The following FNBP1L variants were observed in gnomAD, a reference collection of about 807,000 sequenced individuals.
FNBP1L encodes the protein formin binding protein 1 like.
FNBP1L carries 36 observed loss-of-function variants against 91.2 expected under a neutral mutation model. That is an observed-to-expected ratio of 0.39 (90% CI 0.30 to 0.52). FNBP1L has a LOEUF of 0.52. Ranked by LOEUF, FNBP1L falls within the 20% of genes least tolerant of loss-of-function variation. FNBP1L has a pLI of 0.66. For missense variants in FNBP1L, 571 were observed against 732.1 expected (o/e 0.78, Z 2.54); for synonymous variants, 242 against 237.0 (o/e 1.02, Z -0.19).
At chr1:93,539,646 C>T (rs1015449129) in intron 10 of FNBP1L, among the ~76,000 whole-genome samples, 2 of 152,012 alleles carry the variant, frequency 1.3e-5, no homozygotes, top group African/African-American at 4.8e-5. Context: ...AATTCATATA[C>T]TTCAAATATT....
intron 1 of FNBP1L, among the ~76,000 whole-genome samples, chr1:93,463,622 C>T (rs987979493): frequency 6.6e-6 from 1 of 152,176 alleles, no homozygotes. Context: ...CAGTGATTTT[C>T]TCTGCCTGCC....
intron 1 of FNBP1L, among the ~76,000 whole-genome samples, chr1:93,473,508 A>T (rs547623856): frequency 6.6e-6 from 1 of 152,238 alleles, no homozygotes; most frequent in South Asian, 2.1e-4. Flanking sequence ...TTACCTAGAG[A>T]TTTATTAATC....
At position 93,468,024 on chromosome 1, in the gene FNBP1L, C is replaced by T. The variant is rs189828164; in HGVS notation, c.24+19719C>T. On this transcript the variant is annotated intron_variant, in intron 1 of 16. Coordinates refer to ENST00000271234, the MANE Select transcript of FNBP1L (RefSeq NM_001164473.3). ...GCTTGCCCTAGTCATCCCCTCTTCCCGTGTAACCACTGATCTTTTTACTGT... is the reference window on the plus strand; with the variant it reads ...GCTTGCCCTAGTCATCCCCTCTTCCTGTGTAACCACTGATCTTTTTACTGT... Among the ~76,000 whole-genome samples, 182 of 152,300 alleles carry T rather than the reference C, an allele frequency of 1.2e-3. 1 individual carries two copies. In the Middle Eastern group the frequency reaches 0.017, roughly 14 times the overall value.
intron 1 of FNBP1L, among the ~76,000 whole-genome samples, chr1:93,485,413 C>A (rs1669865398): frequency 6.6e-6 from 1 of 152,150 alleles, no homozygotes; most frequent in East Asian, 1.9e-4. Flanking sequence ...TTAATAAATA[C>A]ATTTATATAT....
At chr1:93,529,594 T>A (rs1225264220) in intron 5 of FNBP1L, 58 bp from the exon 6 acceptor site, 1 of 1,071,818 alleles carries the variant, frequency 9.3e-7, no homozygotes, top group Non-Finnish European at 1.3e-6. Context: ...AAGTTATTTC[T>A]TAAATGAAGT....
intron 2 of FNBP1L, among the ~76,000 whole-genome samples, chr1:93,520,416 T>C (rs1671283189): frequency 6.6e-6 from 1 of 152,140 alleles, no homozygotes; most frequent in African/African-American, 2.4e-5. Flanking sequence ...TAGTTTCCAA[T>C]CCATTGTGTA....
At chr1:93,533,216 T>C in intron 8 of FNBP1L, 148 bp downstream of exon 8, 4 of 554,552 alleles carry the variant, frequency 7.2e-6, no homozygotes, top group African/African-American at 1.9e-5. Context: ...ATAGATTCCT[T>C]TGAGTTCTGA....
At chr1:93,476,885 A>G (rs4847428) in intron 1 of FNBP1L, among the ~76,000 whole-genome samples, 72,403 of 152,068 alleles carry the variant, frequency 0.48, 20,660 homozygotes, top group East Asian at 0.62. Context: ...CACTTACCAT[A>G]TTAGTTCGTT....
chr1:93,513,895 A>C (rs1368078634), intron 2 of FNBP1L, among the ~76,000 whole-genome samples: 2 of 152,210 alleles, frequency 1.3e-5, no homozygotes, highest in African/African-American at 4.8e-5. Context: ...CTCCTTTTCA[A>C]CATAGTGTTG....
chr1:93,534,954 A>C, intron 9 of FNBP1L, 46 bp downstream of exon 9: 1 of 1,447,698 alleles, frequency 6.9e-7, no homozygotes, highest in Non-Finnish European at 9.4e-7. Context: ...TAAGTGTACC[A>C]ACTAAAACAA....
chr1:93,499,081 G>C (rs1400622462), intron 1 of FNBP1L, among the ~76,000 whole-genome samples: 1 of 152,166 alleles, frequency 6.6e-6, no homozygotes, highest in Non-Finnish European at 1.5e-5. Context: ...AAATGAATAA[G>C]ATAGTAATTT....
chr1:93,538,520 A>G (rs1235656098), intron 10 of FNBP1L, among the ~76,000 whole-genome samples: 1 of 152,128 alleles, frequency 6.6e-6, no homozygotes, highest in Non-Finnish European at 1.5e-5. Flanking sequence ...CAGAGCAGGG[A>G]AGAAAGTGGA....
chr1:93,541,868 C>T (rs1160788197), intron 11 of FNBP1L, among the ~76,000 whole-genome samples: 2 of 151,946 alleles, frequency 1.3e-5, no homozygotes, highest in African/African-American at 2.4e-5. Context: ...GTTCCAATGT[C>T]AAATGGGATA....
chr1:93,452,889 A>T (rs1570754585), intron 1 of FNBP1L, among the ~76,000 whole-genome samples: 1 of 152,268 alleles, frequency 6.6e-6, no homozygotes, highest in East Asian at 1.9e-4. Context: ...ATTATTTGGG[A>T]AGCACTGTTA....
chr1:93,534,448 A>G (rs1671782043), intron 8 of FNBP1L, among the ~76,000 whole-genome samples: 1 of 152,190 alleles, frequency 6.6e-6, no homozygotes, highest in South Asian at 2.1e-4. Context: ...TCAGGTGGTT[A>G]AAGCTACCAA....
At chr1:93,504,888 T>G (rs1451343080) in intron 2 of FNBP1L, among the ~76,000 whole-genome samples, 1 of 152,208 alleles carries the variant, frequency 6.6e-6, no homozygotes, top group Non-Finnish European at 1.5e-5. Flanking sequence ...AGGTTGCCTT[T>G]TCATTCTCTT....
chr1:93,473,909 G>T (rs190766467), intron 1 of FNBP1L, among the ~76,000 whole-genome samples: 2 of 152,126 alleles, frequency 1.3e-5, no homozygotes, highest in Admixed American at 6.5e-5. Context: ...AAAGGGCTGC[G>T]TGACGGGATC....
intron 8 of FNBP1L, 106 bp downstream of exon 8, chr1:93,533,174 C>G: frequency 1.1e-6 from 1 of 890,118 alleles, no homozygotes; most frequent in Non-Finnish European, 1.6e-6. Context: ...ATGTGTGGTT[C>G]TAAATTATAT....
At chr1:93,476,058 C>T (rs1260535413) in intron 1 of FNBP1L, among the ~76,000 whole-genome samples, 3 of 151,980 alleles carry the variant, frequency 2.0e-5, no homozygotes, top group Admixed American at 6.6e-5. Flanking sequence ...TTATATTTTC[C>T]TTTTGCAATG....
Sources: gnomAD v4.1 joint callset for allele counts (sites outside exome capture counted in the v4.1 genomes callset) on GRCh38, gnomAD v4.1.1 for gene constraint, MANE v1.5 for transcripts, NCBI Gene and HGNC (gene_info 2026-07-23, HGNC 2026-07-21) for gene names.